Variants in NFIB observed in about 807,000 individuals in gnomAD.
NFIB encodes nuclear factor 1 B-type.
In NFIB, 11 loss-of-function variants were observed where a neutral mutation model predicts 61.5. That is an observed-to-expected ratio of 0.18 (90% CI 0.11 to 0.30). NFIB has a LOEUF of 0.30. NFIB is among the 10% of genes least tolerant of loss of function. The probability of loss-of-function intolerance (pLI) is 1.00; values close to 1 mark genes in which losing one functional copy is unlikely to be tolerated. For missense variants in NFIB, 471 were observed against 608.9 expected, an observed-to-expected ratio of 0.77 and a Z score of 2.38; for synonymous variants, 260 against 216.5, an observed-to-expected ratio of 1.20 and a Z score of -1.76.
chr9:14,097,188 C>G (rs1362521369), intron 10 of NFIB, among the ~76,000 whole-genome samples: 1 of 152,028 alleles, frequency 6.6e-6, no homozygotes, highest in African/African-American at 2.4e-5. Flanking sequence ...TATACAAAGA[C>G]AAAAGTAGTT....
intron 2 of NFIB, chr9:14,204,507 T>A: frequency 8.8e-7 from 1 of 1,142,146 alleles, no homozygotes; most frequent in Admixed American, 1.7e-5. Context: ...ACCCAGGACC[T>A]GGACCACCAA....
At chr9:14,455,058 T>A in the NFIB span, among the ~76,000 whole-genome samples, 1 of 152,206 alleles carries the variant, frequency 6.6e-6, no homozygotes, top group East Asian at 1.9e-4. Context: ...TATTTGTTAC[T>A]GCTGCTTAAT....
At chr9:14,305,203 G>A (rs2059955326) in intron 2 of NFIB, among the ~76,000 whole-genome samples, 1 of 152,014 alleles carries the variant, frequency 6.6e-6, no homozygotes, top group Admixed American at 6.6e-5. Flanking sequence ...AAGAGAGCTG[G>A]CTGCCTTCCC....
the NFIB span, among the ~76,000 whole-genome samples, chr9:14,435,755 G>A: frequency 6.6e-6 from 1 of 152,196 alleles, no homozygotes; most frequent in African/African-American, 2.4e-5. Context: ...GACACTGTAA[G>A]CTCCGAGCTC....
chr9:14,207,076 T>C (rs2049817838), intron 2 of NFIB, among the ~76,000 whole-genome samples: 1 of 152,336 alleles, frequency 6.6e-6, no homozygotes, highest in African/African-American at 2.4e-5. Context: ...TGTCCAATAC[T>C]GTTCTCAATA....
chr9:14,236,631 T>C (rs1482854239), intron 2 of NFIB, among the ~76,000 whole-genome samples: 1 of 152,220 alleles, frequency 6.6e-6, no homozygotes, highest in Non-Finnish European at 1.5e-5. Context: ...ACGTCATTGC[T>C]ACAATTAAAT....
chr9:14,528,092 A>G, the NFIB span, among the ~76,000 whole-genome samples: 2 of 152,174 alleles, frequency 1.3e-5, no homozygotes, highest in African/African-American at 4.8e-5. Context: ...TTTTCAGTTT[A>G]AAATAGTCAA....
intron 10 of NFIB, among the ~76,000 whole-genome samples, chr9:14,103,614 A>C (rs2036094682): frequency 6.6e-6 from 1 of 152,172 alleles, no homozygotes; most frequent in Non-Finnish European, 1.5e-5. Flanking sequence ...TTTCCCTTTT[A>C]GACTATCGAG....
At chr9:14,249,851 G>C (rs1014042045) in intron 2 of NFIB, among the ~76,000 whole-genome samples, 2 of 152,112 alleles carry the variant, frequency 1.3e-5, no homozygotes, top group Admixed American at 6.5e-5. Flanking sequence ...GCAATAGACA[G>C]TGGTGACACT....
At chr9:14,088,672 A>C (rs1256220930) in intron 10 of NFIB, among the ~76,000 whole-genome samples, 1 of 152,174 alleles carries the variant, frequency 6.6e-6, no homozygotes, top group African/African-American at 2.4e-5. Context: ...CAGGAAAAAA[A>C]AGAAAAAGAA....
chr9:14,344,036 G>A (rs912918013), intron 1 of NFIB, among the ~76,000 whole-genome samples: 7 of 151,356 alleles, frequency 4.6e-5, no homozygotes, highest in Admixed American at 2.0e-4. Flanking sequence ...AAATGGCCTA[G>A]CAAATAAGTA....
At chr9:14,366,134 T>C (rs1158119613) in intron 1 of NFIB, among the ~76,000 whole-genome samples, 1 of 152,178 alleles carries the variant, frequency 6.6e-6, no homozygotes, top group African/African-American at 2.4e-5. Context: ...ATATAAAATT[T>C]TGGCAACACT....
chr9:14,197,641 G>T (rs2048606020), intron 2 of NFIB, among the ~76,000 whole-genome samples: 1 of 152,224 alleles, frequency 6.6e-6, no homozygotes, highest in South Asian at 2.1e-4. Flanking sequence ...TTCAACAGAA[G>T]ATGCTGAAGT....
intron 2 of NFIB, among the ~76,000 whole-genome samples, chr9:14,284,966 G>C (rs909485346): frequency 6.6e-6 from 1 of 151,954 alleles, no homozygotes; most frequent in Non-Finnish European, 1.5e-5. Context: ...CCAATTTCAA[G>C]GTCTCCTACA....
At chr9:14,439,463 G>A in the NFIB span, among the ~76,000 whole-genome samples, 165 of 152,208 alleles carry the variant, frequency 1.1e-3, 1 homozygote, top group Middle Eastern at 0.014. Flanking sequence ...TAATACCTGC[G>A]TTATAGGGCT....
At chr9:14,434,606 C>T in the NFIB span, among the ~76,000 whole-genome samples, 1 of 152,206 alleles carries the variant, frequency 6.6e-6, no homozygotes, top group Non-Finnish European at 1.5e-5. Flanking sequence ...TTCTCCCCGC[C>T]AGAATAGCTA....
chr9:14,241,557 T>C (rs1449429110), intron 2 of NFIB, among the ~76,000 whole-genome samples: 1 of 152,154 alleles, frequency 6.6e-6, no homozygotes, highest in African/African-American at 2.4e-5. Context: ...GCTTGCCATA[T>C]TTCCTAGAAA....
rs555343291 is a variant in NFIB, at chr9:14,329,845, C to T, written c.109-22325G>A. ...TCTTATTAAAAACCCAGTAACAGGC[C>T]GGGCACAGTGGCTCACGCCTGTAAT... On this transcript the variant is annotated intron_variant, in intron 1 of 8. Transcript: ENST00000380934. 4.0e-5 allele frequency among the ~76,000 whole-genome samples: 6 copies of T among 151,586 alleles called. No homozygotes were observed. In the East Asian group the frequency reaches 8.0e-4, roughly 20 times the overall value.
chr9:14,430,365 A>G, the NFIB span, among the ~76,000 whole-genome samples: 1 of 98,030 alleles, frequency 1.0e-5, no homozygotes, highest in Non-Finnish European at 2.3e-5. Context: ...GGAAGAAAAG[A>G]AAAAAAAAAA....
Sources: allele counts gnomAD v4.1 joint callset (sites outside exome capture counted in the v4.1 genomes callset), GRCh38; gene constraint gnomAD v4.1.1; transcripts MANE v1.5; gene names NCBI Gene and HGNC (gene_info 2026-07-23, HGNC 2026-07-21).